Variants in PEX2 observed in about 807,000 individuals in gnomAD.
The protein encoded by PEX2 is peroxisome biogenesis factor 2.
In PEX2, 19 loss-of-function variants were observed where a neutral mutation model predicts 25.2. The observed-to-expected ratio is 0.75, with a 90% CI of 0.53 to 1.10. The LOEUF (loss-of-function observed/expected upper bound fraction) is 1.10. Ranked by LOEUF, PEX2 falls within the 50% of genes least tolerant of loss-of-function variation. The pLI is 0.00. For synonymous variants in PEX2, 141 were observed against 127.7 expected, an observed-to-expected ratio of 1.10 and a Z score of -0.70; for missense variants, 347 against 350.6, an observed-to-expected ratio of 0.99 and a Z score of 0.08.
At chr8:76,985,175 C>CAAAAA (rs34238954) in intron 3 of PEX2, among the ~76,000 whole-genome samples, 1 of 138,734 alleles carries the variant, frequency 7.2e-6, no homozygotes, top group Non-Finnish European at 1.6e-5. Flanking sequence ...CCACCCATGA[C>CAAAAA]AAAAAAAAAA....
chr8:76,992,558 G>C (rs1360280734), intron 1 of PEX2, among the ~76,000 whole-genome samples: 1 of 152,046 alleles, frequency 6.6e-6, no homozygotes, highest in Non-Finnish European at 1.5e-5. Flanking sequence ...CCCAATTATG[G>C]AATCTTCTTC....
intron 2 of PEX2, 66 bp downstream of exon 2, chr8:76,988,241 G>C (rs1314356280): frequency 1.3e-5 from 2 of 152,134 alleles, no homozygotes; most frequent in African/African-American, 4.8e-5. Context: ...TGTGGTCTCT[G>C]CTCCTCTAGT....
intron 1 of PEX2, among the ~76,000 whole-genome samples, chr8:76,994,438 T>C (rs1807263343): frequency 6.6e-6 from 1 of 152,160 alleles, no homozygotes; most frequent in Non-Finnish European, 1.5e-5. Flanking sequence ...AATATTAACG[T>C]AATTATGATT....
At chr8:76,984,263 G>T in intron 3 of PEX2, 68 bp from the exon 4 acceptor site, 3 of 1,285,226 alleles carry the variant, frequency 2.3e-6, no homozygotes, top group Non-Finnish European at 3.4e-6. Flanking sequence ...CTCAACTTAT[G>T]CCTGGAAACT....
intron 1 of PEX2, among the ~76,000 whole-genome samples, chr8:76,999,249 C>T (rs905872798): frequency 6.6e-6 from 1 of 152,156 alleles, no homozygotes. Context: ...TTCCGAGGGG[C>T]ATCACGGAAG....
Position 76,983,562 on chromosome 8 carries a change from A to G in PEX2, c.617T>C (p.Phe206Ser). The G allele has an allele frequency of 1.2e-6, 2 of 1,614,116 alleles. No homozygotes were observed. Among genetic ancestry groups the G allele is most frequent in the Non-Finnish European group, 1.7e-6 (2 of 1,180,028 alleles). The change falls in exon 4 of 4, where the codon TTT becomes TCT. Residue 206 changes from phenylalanine (F) to serine (S), a missense_variant. Physicochemically the swap from Phe to Ser is radical, Grantham distance 155. Transcript: ENST00000357039. ...CTGGACATTGATAAGTGGTAAGAGA[A>G]AAATCAGAAATTCAGCAAAACCATG... ...LWHGFAEFLI[F>S]LLPLINVQKL...
chr8:76,990,763 G>C (rs1018975518), intron 1 of PEX2, among the ~76,000 whole-genome samples: 35 of 152,084 alleles, frequency 2.3e-4, no homozygotes, highest in Admixed American at 2.0e-3. Context: ...AGTTACAATA[G>C]TAATAACAAA....
upstream of PEX2, chr8:77,000,086 C>T (rs1807459746): frequency 2.6e-6 from 1 of 390,734 alleles, no homozygotes; most frequent in African/African-American, 2.1e-5. Context: ...ATTACCAAGG[C>T]TTCCGGAACT....
intron 1 of PEX2, among the ~76,000 whole-genome samples, chr8:76,995,012 A>T (rs79471513): frequency 1.3e-5 from 2 of 152,218 alleles, no homozygotes; most frequent in East Asian, 1.9e-4. Flanking sequence ...CTGGACACTG[A>T]TTCCCAGAAC....
chr8:76,995,156 T>C (rs1807285043), intron 1 of PEX2, among the ~76,000 whole-genome samples: 1 of 152,216 alleles, frequency 6.6e-6, no homozygotes, highest in Non-Finnish European at 1.5e-5. Flanking sequence ...GCTAAGTGCC[T>C]TGTCACTACT....
chr8:76,986,319 T>G (rs578223326), intron 2 of PEX2, 23 bp from the exon 3 acceptor site: 1 of 152,144 alleles, frequency 6.6e-6, no homozygotes, highest in Non-Finnish European at 1.5e-5. Flanking sequence ...AAGAATAAAG[T>G]TTAAAAGGGA....
rs144143172 is a variant in PEX2, at chr8:76,983,696, TC to T, written c.482del (p.Gly161GlufsTer6). The T allele has an allele frequency of 6.2e-7, 1 of 1,614,080 alleles. No individual in the cohort carries two copies. Among genetic ancestry groups the T allele is most frequent in the Non-Finnish European group, 8.5e-7 (1 of 1,179,998 alleles). ...LINFLIFLQR[G>X]KFATLTERLL... is the part of the protein sequence containing the mutation. ...GACGTTCTGTCAAAGTTGCAAACTT[TC>T]CCCTCTGAAGGAAAATCAAAAAATT... On this transcript the variant is annotated frameshift_variant, in exon 4 of 4. Transcript: ENST00000357039. LOFTEE classifies it high-confidence loss of function.
rs190595998 is a variant in PEX2, at chr8:76,983,028, G to C, written c.*233C>G. 3.9e-4 allele frequency: 469 copies of C among 1,190,540 alleles called. 1 individual carries two copies. The East Asian group carries it at 0.012, about 32-fold the overall frequency. The allele number at this position is 1,190,540 out of a possible 1,614,324, so 73.7% of individuals were successfully genotyped here. ...CTGACAAAAGCTGTCCATTATTCTT[G>C]ACATTAAAAATTGAATGCAATGATT... On this transcript the variant is annotated 3_prime_UTR_variant, in exon 4 of 4. Transcript: ENST00000357039.
In PEX2 at chr8:76,980,446, T is replaced by C. The variant is rs1806782843; in HGVS notation, c.*2815A>G. On this transcript the variant is annotated 3_prime_UTR_variant, in exon 4 of 4. Coordinates refer to ENST00000357039, the MANE Select transcript of PEX2 (RefSeq NM_000318.3). Reference sequence around the variant, plus strand: ...AGAGATCTGCCAGCATCCACCCTTCTAAGAACACCTCAGTTTCCTGTGGTG... The same window carrying C: ...AGAGATCTGCCAGCATCCACCCTTCCAAGAACACCTCAGTTTCCTGTGGTG... 6.6e-6 allele frequency: 1 copy of C among 152,198 alleles called. No individual in the cohort carries two copies. Among genetic ancestry groups the C allele is most frequent in the Admixed American group, 6.5e-5 (1 of 15,272 alleles). 9.4% of individuals were successfully genotyped at this position (152,198 alleles called of 1,614,324 possible).
At chr8:76,994,765 C>A (rs930924767) in intron 1 of PEX2, among the ~76,000 whole-genome samples, 9 of 152,170 alleles carry the variant, frequency 5.9e-5, no homozygotes, top group Non-Finnish European at 2.9e-5. Flanking sequence ...GCCACACCAT[C>A]TTAAATGTTC....
intron 2 of PEX2, 191 bp downstream of exon 2, chr8:76,988,116 C>T (rs1473629538): frequency 2.0e-5 from 3 of 151,902 alleles, no homozygotes; most frequent in African/African-American, 7.3e-5. Context: ...TTTGTAACAA[C>T]GTAATCTTAT....
chr8:76,998,792 C>T (rs539382025), intron 1 of PEX2, among the ~76,000 whole-genome samples: 22 of 152,118 alleles, frequency 1.4e-4, no homozygotes, highest in African/African-American at 5.1e-4. Context: ...GTTTTAAAAC[C>T]CCAGCTTGAG....
intron 1 of PEX2, 134 bp downstream of exon 1, chr8:76,999,856 C>T (rs1807444966): frequency 4.4e-6 from 2 of 456,490 alleles, no homozygotes; most frequent in Admixed American, 4.7e-5. Flanking sequence ...TTGCCTTTTC[C>T]AGGGAGACAG....
intron 1 of PEX2, among the ~76,000 whole-genome samples, chr8:76,988,857 G>A (rs1240914101): frequency 2.0e-5 from 3 of 151,968 alleles, no homozygotes; most frequent in Non-Finnish European, 4.4e-5. Flanking sequence ...ATTTCCCCAG[G>A]TATAAACTCC....
Sources: allele counts gnomAD v4.1 joint callset (sites outside exome capture counted in the v4.1 genomes callset), GRCh38; gene constraint gnomAD v4.1.1; transcripts MANE v1.5; gene names NCBI Gene and HGNC (gene_info 2026-07-23, HGNC 2026-07-21).